Variants in ZDHHC2 observed in about 807,000 individuals in gnomAD.
ZDHHC2 encodes the protein zDHHC palmitoyltransferase 2, also known as palmitoyltransferase ZDHHC2.
In ZDHHC2, 51 loss-of-function variants were observed where a neutral mutation model predicts 55.6. The ratio of observed to expected loss-of-function variants is 0.92; its 90% confidence interval spans 0.73 to 1.16. ZDHHC2 has a LOEUF of 1.16. Ranked by LOEUF, ZDHHC2 falls within the 50% of genes most tolerant of loss-of-function variation. The pLI is 0.00. For missense variants in ZDHHC2, 491 were observed against 442.4 expected (o/e 1.11, Z -0.99); for synonymous variants, 199 against 152.9 (o/e 1.30, Z -2.22).
At chr8:17,203,911 G>A (rs539997934) in intron 6 of ZDHHC2, among the ~76,000 whole-genome samples, 3 of 150,872 alleles carry the variant, frequency 2.0e-5, no homozygotes, top group African/African-American at 7.3e-5. Context: ...GGATTCAAGC[G>A]ATTGTCCTGC....
Position 17,224,731 on chromosome 8 carries a change from G to T in ZDHHC2, c.*4510G>T, listed in dbSNP as rs1158718122. 1 of 151,696 alleles carries T rather than the reference G, an allele frequency of 6.6e-6. No individual in the cohort carries two copies. The highest frequency in any genetic ancestry group is 1.5e-5 in the Non-Finnish European group (1 of 67,712). The allele number at this position is 151,696 out of a possible 1,614,324, so 9.4% of individuals were successfully genotyped here. On this transcript the variant is annotated 3_prime_UTR_variant, in exon 13 of 13. Transcript: ENST00000262096. ...AGGCTATTTTGTCAGTTTAGATTTTGTGTCTTTTTCTGTCAGTATGTATGG... is the reference window on the plus strand; with the variant it reads ...AGGCTATTTTGTCAGTTTAGATTTTTTGTCTTTTTCTGTCAGTATGTATGG...
At chr8:17,189,880 A>G (rs1372170526) in intron 3 of ZDHHC2, among the ~76,000 whole-genome samples, 2 of 152,152 alleles carry the variant, frequency 1.3e-5, no homozygotes, top group Admixed American at 1.3e-4. Flanking sequence ...TATTTTACAG[A>G]TGGAGCCACT....
At chr8:17,174,457 C>T (rs186763224) in intron 1 of ZDHHC2, among the ~76,000 whole-genome samples, 1 of 152,138 alleles carries the variant, frequency 6.6e-6, no homozygotes, top group East Asian at 1.9e-4. Flanking sequence ...AGGGCAGCCT[C>T]GAGTCTACTG....
chr8:17,194,455 A>C (rs967248335), intron 3 of ZDHHC2, among the ~76,000 whole-genome samples: 2 of 151,642 alleles, frequency 1.3e-5, no homozygotes, highest in African/African-American at 2.4e-5. Flanking sequence ...AACATTGTTC[A>C]TATTTTCCAT....
chr8:17,199,602 ATTCTT>A lies in ZDHHC2; in HGVS notation c.476+1191_476+1195del, dbSNP rs1563161647. Among the ~76,000 whole-genome samples, 9 of 46,012 alleles carry A rather than the reference ATTCTT, an allele frequency of 2.0e-4. 1 individual carries two copies. The highest frequency in any genetic ancestry group is 4.2e-4 in the Non-Finnish European group (8 of 18,948). The allele number at this position is 46,012 out of a possible 152,430, so 30.2% of individuals were successfully genotyped here. On this transcript the variant is annotated intron_variant, in intron 6 of 12. Coordinates refer to ENST00000262096, the MANE Select transcript of ZDHHC2 (RefSeq NM_016353.5). Reference sequence around the variant, plus strand: ...TTCTTCTTCTTCTTTCTTCTTCTTTATTCTTTCTTCTTCTTCTTCTTCCTTTCTTC... The same window carrying A: ...TTCTTCTTCTTCTTTCTTCTTCTTTATCTTCTTCTTCTTCTTCCTTTCTTC...
At chr8:17,204,300 G>T (rs1357881717) in intron 6 of ZDHHC2, among the ~76,000 whole-genome samples, 3 of 152,188 alleles carry the variant, frequency 2.0e-5, no homozygotes, top group African/African-American at 7.2e-5. Context: ...AGTCAATGGA[G>T]AGTGAGATGA....
intron 3 of ZDHHC2, 36 bp from the exon 4 acceptor site, chr8:17,195,468 T>A (rs1472318515): frequency 6.3e-7 from 1 of 1,582,996 alleles, no homozygotes; most frequent in East Asian, 2.3e-5. Context: ...ATAATTTCTT[T>A]GAAAATACTG....
chr8:17,203,486 G>C (rs550672967), intron 6 of ZDHHC2, among the ~76,000 whole-genome samples: 1 of 151,936 alleles, frequency 6.6e-6, no homozygotes, highest in African/African-American at 2.4e-5. Context: ...TGCCTGCCTC[G>C]GCCCCCTAAA....
intron 12 of ZDHHC2, among the ~76,000 whole-genome samples, chr8:17,219,021 A>C (rs1807781474): frequency 6.6e-6 from 1 of 151,682 alleles, no homozygotes; most frequent in Admixed American, 6.6e-5. Context: ...GGAGGCTGAG[A>C]TGGGTGGATC....
chr8:17,209,146 C>T (rs533908523), intron 8 of ZDHHC2, among the ~76,000 whole-genome samples: 9 of 152,240 alleles, frequency 5.9e-5, no homozygotes, highest in Middle Eastern at 6.8e-3. Flanking sequence ...CTCAGTCTGT[C>T]GTGTGTTTGT....
intron 6 of ZDHHC2, among the ~76,000 whole-genome samples, chr8:17,200,265 C>A (rs1255929958): frequency 1.3e-5 from 2 of 152,206 alleles, no homozygotes; most frequent in Non-Finnish European, 1.5e-5. Context: ...TCGTTCAGCT[C>A]ACAAGCCAGG....
At chr8:17,204,833 AT>A (rs1354445700) in intron 6 of ZDHHC2, among the ~76,000 whole-genome samples, 1 of 152,058 alleles carries the variant, frequency 6.6e-6, no homozygotes. Context: ...TAAATAAATA[AT>A]TTTTTAAAAA....
At chr8:17,159,747 CAAAGA>C (rs1458552771) in intron 1 of ZDHHC2, among the ~76,000 whole-genome samples, 5 of 151,972 alleles carry the variant, frequency 3.3e-5, no homozygotes, top group Non-Finnish European at 7.4e-5. Flanking sequence ...CCTATTCTGC[CAAAGA>C]AAAGATCACA....
intron 3 of ZDHHC2, among the ~76,000 whole-genome samples, chr8:17,193,520 C>T (rs1440939522): frequency 6.6e-6 from 1 of 152,188 alleles, no homozygotes; most frequent in Non-Finnish European, 1.5e-5. Flanking sequence ...GCCCAAGGCC[C>T]ATTATGTCCA....
intron 3 of ZDHHC2, among the ~76,000 whole-genome samples, chr8:17,192,892 A>C (rs1806107448): frequency 1.3e-5 from 2 of 152,114 alleles, no homozygotes; most frequent in Non-Finnish European, 2.9e-5. Flanking sequence ...TCCCCAGTGT[A>C]TGTTCTTGGC....
Position 17,223,398 on chromosome 8 carries a change from T to C in ZDHHC2, c.*3177T>C, listed in dbSNP as rs895411257. 2.6e-4 allele frequency: 39 copies of C among 152,038 alleles called. No homozygotes were observed. The highest frequency in any genetic ancestry group is 9.4e-4 in the African/African-American group (39 of 41,568). The allele number at this position is 152,038 out of a possible 1,614,324, so 9.4% of individuals were successfully genotyped here. A position where few individuals can be genotyped will look rare whatever the true frequency, so the allele number is the denominator to read the frequency against. On this transcript the variant is annotated 3_prime_UTR_variant, in exon 13 of 13. Transcript: ENST00000262096. Reference sequence around the variant, plus strand: ...TGTGAATATTTTCACCAAAGTGACATTTAAACAAGTGGATTTTTCACAAAT... The same window carrying C: ...TGTGAATATTTTCACCAAAGTGACACTTAAACAAGTGGATTTTTCACAAAT...
intron 1 of ZDHHC2, among the ~76,000 whole-genome samples, chr8:17,173,658 A>T (rs1336461057): frequency 1.3e-5 from 2 of 149,278 alleles, no homozygotes; most frequent in African/African-American, 4.9e-5. Context: ...TTCCAGCTTG[A>T]GAGACGGAAA....
At chr8:17,183,768 G>A (rs1427986393) in intron 1 of ZDHHC2, among the ~76,000 whole-genome samples, 3 of 152,112 alleles carry the variant, frequency 2.0e-5, no homozygotes, top group African/African-American at 7.2e-5. Flanking sequence ...CTGGAAGGAT[G>A]AATTTTCTTA....
intron 3 of ZDHHC2, among the ~76,000 whole-genome samples, chr8:17,193,335 G>C (rs1806131511): frequency 6.6e-6 from 1 of 152,162 alleles, no homozygotes; most frequent in Non-Finnish European, 1.5e-5. Flanking sequence ...GAATTCTCTG[G>C]ATTACCAGGC....
Sources: gnomAD v4.1 joint callset for allele counts (sites outside exome capture counted in the v4.1 genomes callset) on GRCh38, gnomAD v4.1.1 for gene constraint, MANE v1.5 for transcripts, NCBI Gene and HGNC (gene_info 2026-07-23, HGNC 2026-07-21) for gene names.